The following ADCY8 variants were observed in gnomAD, a reference collection of about 807,000 sequenced individuals.
The protein encoded by ADCY8 is adenylate cyclase type 8.
Under a neutral mutation model 119.7 loss-of-function variants are expected in ADCY8, and 51 were observed. The ratio of observed to expected loss-of-function variants is 0.43; its 90% confidence interval spans 0.34 to 0.54. The LOEUF (loss-of-function observed/expected upper bound fraction) is 0.54. Among genes scored for constraint, ADCY8 ranks in the 20% least tolerant of loss-of-function variants. The pLI is 0.03. For missense variants in ADCY8, 1,383 were observed against 1,598.8 expected (o/e 0.87, Z 2.30); for synonymous variants, 665 against 651.0 (o/e 1.02, Z -0.33).
chr8:130,812,722 T>TA (rs1453885247), intron 14 of ADCY8, among the ~76,000 whole-genome samples: 2 of 152,094 alleles, frequency 1.3e-5, no homozygotes, highest in Non-Finnish European at 2.9e-5. Context: ...CAGTTTTAAG[T>TA]AAAAAGAACA....
chr8:130,951,341 A>T (rs558840828), intron 3 of ADCY8, among the ~76,000 whole-genome samples: 2 of 152,334 alleles, frequency 1.3e-5, no homozygotes, highest in African/African-American at 4.8e-5. Flanking sequence ...TGCTGGGCAC[A>T]TAGAGGGCAC....
At chr8:130,851,146 T>G (rs1481449015) in intron 9 of ADCY8, among the ~76,000 whole-genome samples, 3 of 152,214 alleles carry the variant, frequency 2.0e-5, no homozygotes. Flanking sequence ...ATAATATTTA[T>G]TTATTCAACA....
At chr8:130,932,500 T>C (rs1820661080) in intron 5 of ADCY8, among the ~76,000 whole-genome samples, 1 of 152,114 alleles carries the variant, frequency 6.6e-6, no homozygotes, top group Non-Finnish European at 1.5e-5. Context: ...TTTCCCCAAA[T>C]GGATGGTATA....
At chr8:130,891,654 A>AT (rs1224386904) in intron 7 of ADCY8, among the ~76,000 whole-genome samples, 1 of 152,068 alleles carries the variant, frequency 6.6e-6, no homozygotes, top group Non-Finnish European at 1.5e-5. Flanking sequence ...AAATGGCACA[A>AT]TTTTTTTCCC....
intron 10 of ADCY8, 121 bp downstream of exon 10, chr8:130,849,481 G>T: frequency 1.0e-6 from 1 of 1,003,318 alleles, no homozygotes; most frequent in Non-Finnish European, 1.5e-6. Flanking sequence ...CTTGGGGCTG[G>T]ACCAGGCACA....
At chr8:131,039,212 T>C (rs1002489502) in intron 1 of ADCY8, among the ~76,000 whole-genome samples, 162 bp downstream of exon 1, 1 of 152,158 alleles carries the variant, frequency 6.6e-6, no homozygotes, top group Non-Finnish European at 1.5e-5. Context: ...TAAGAAGAGA[T>C]TGCATTCCGC....
At chr8:130,877,873 A>G (rs1189836794) in intron 8 of ADCY8, among the ~76,000 whole-genome samples, 1 of 152,084 alleles carries the variant, frequency 6.6e-6, no homozygotes, top group Non-Finnish European at 1.5e-5. Context: ...ACAAGGCTGT[A>G]CTTGCTTAGA....
chr8:131,002,712 A>C (rs1159496888), intron 1 of ADCY8, among the ~76,000 whole-genome samples: 1 of 152,152 alleles, frequency 6.6e-6, no homozygotes, highest in Non-Finnish European at 1.5e-5. Flanking sequence ...AAGTAAATAA[A>C]AGTAAAATAA....
intron 11 of ADCY8, among the ~76,000 whole-genome samples, chr8:130,845,178 C>T (rs1817259315): frequency 6.6e-6 from 1 of 152,126 alleles, no homozygotes; most frequent in Admixed American, 6.5e-5. Flanking sequence ...AAAAATCTTA[C>T]CCACCACTTT....
intron 1 of ADCY8, among the ~76,000 whole-genome samples, chr8:130,996,728 G>C (rs1822788790): frequency 6.6e-6 from 1 of 151,984 alleles, no homozygotes; most frequent in Non-Finnish European, 1.5e-5. Flanking sequence ...TATAAAAAGG[G>C]GGAAAAATAA....
intron 5 of ADCY8, among the ~76,000 whole-genome samples, chr8:130,931,060 A>T (rs1820615844): frequency 6.6e-6 from 1 of 152,172 alleles, no homozygotes; most frequent in Non-Finnish European, 1.5e-5. Context: ...TGTTTTTATG[A>T]TACTCATTAG....
intron 5 of ADCY8, among the ~76,000 whole-genome samples, chr8:130,918,018 C>T (rs566664003): frequency 1.3e-5 from 2 of 152,204 alleles, no homozygotes; most frequent in Non-Finnish European, 2.9e-5. Context: ...TTGGGGCCAT[C>T]GTTTCTTTTA....
intron 5 of ADCY8, among the ~76,000 whole-genome samples, chr8:130,911,808 T>A (rs1272805994): frequency 6.6e-6 from 1 of 151,314 alleles, no homozygotes; most frequent in East Asian, 1.9e-4. Context: ...TTATTAGATA[T>A]GCATATCTTC....
chr8:130,964,294 G>A (rs1188593894), intron 2 of ADCY8, among the ~76,000 whole-genome samples: 1 of 152,226 alleles, frequency 6.6e-6, no homozygotes, highest in Admixed American at 6.5e-5. Context: ...GGCCACTGCA[G>A]GGTGAAAGGT....
At chr8:130,983,554 T>C (rs1489015734) in intron 2 of ADCY8, among the ~76,000 whole-genome samples, 2 of 151,948 alleles carry the variant, frequency 1.3e-5, no homozygotes, top group African/African-American at 2.4e-5. Context: ...CTGGGCTGTG[T>C]GAAGTGTTGG....
intron 9 of ADCY8, among the ~76,000 whole-genome samples, chr8:130,857,549 T>C (rs1445888075): frequency 1.3e-5 from 2 of 152,170 alleles, no homozygotes; most frequent in Non-Finnish European, 2.9e-5. Context: ...TTAGTCAACA[T>C]TCTCTGTCCT....
intron 5 of ADCY8, among the ~76,000 whole-genome samples, chr8:130,932,841 A>G (rs1417206072): frequency 2.0e-5 from 3 of 152,134 alleles, no homozygotes; most frequent in Non-Finnish European, 2.9e-5. Flanking sequence ...TATCCTACCC[A>G]TATCTATGGT....
chr8:130,970,695 A>G (rs1821897697), intron 2 of ADCY8, among the ~76,000 whole-genome samples: 1 of 152,186 alleles, frequency 6.6e-6, no homozygotes, highest in Non-Finnish European at 1.5e-5. Context: ...TGGTTCCACT[A>G]GTTGGAATTC....
chr8:131,034,387 T>G (rs893509595), intron 1 of ADCY8, among the ~76,000 whole-genome samples: 1 of 152,076 alleles, frequency 6.6e-6, no homozygotes, highest in Non-Finnish European at 1.5e-5. Flanking sequence ...TTAAGTCACA[T>G]AGAAAGTCAG....
Sources: allele counts gnomAD v4.1 joint callset (sites outside exome capture counted in the v4.1 genomes callset), GRCh38; gene constraint gnomAD v4.1.1; transcripts MANE v1.5; gene names NCBI Gene and HGNC (gene_info 2026-07-23, HGNC 2026-07-21).